Variants in NRG3 observed in about 807,000 individuals in gnomAD.
The protein encoded by NRG3 is pro-neuregulin-3, membrane-bound isoform.
NRG3 carries 31 observed loss-of-function variants against 66.9 expected under a neutral mutation model. The observed-to-expected ratio is 0.46, with a 90% CI of 0.35 to 0.63. The LOEUF (loss-of-function observed/expected upper bound fraction) is 0.63. Among genes scored for constraint, NRG3 ranks in the 20% least tolerant of loss-of-function variants. The probability of loss-of-function intolerance (pLI) is 0.00; values close to 1 mark genes in which losing one functional copy is unlikely to be tolerated. For synonymous variants in NRG3, 393 were observed against 359.4 expected, an observed-to-expected ratio of 1.09 and a Z score of -1.06; for missense variants, 910 against 878.9, an observed-to-expected ratio of 1.04 and a Z score of -0.45.
At chr10:82,490,778 G>A (rs1350098509) in intron 2 of NRG3, among the ~76,000 whole-genome samples, 3 of 151,956 alleles carry the variant, frequency 2.0e-5, no homozygotes, top group African/African-American at 7.3e-5. Flanking sequence ...CTCATCTCAA[G>A]AATCTGCATC....
intron 2 of NRG3, among the ~76,000 whole-genome samples, chr10:82,499,885 C>T (rs916498756): frequency 6.6e-6 from 1 of 152,166 alleles, no homozygotes; most frequent in African/African-American, 2.4e-5. Flanking sequence ...TTGTGATAAT[C>T]TAACAAAGAG....
chr10:82,721,307 A>C (rs1395424348), intron 2 of NRG3, among the ~76,000 whole-genome samples: 2 of 130,920 alleles, frequency 1.5e-5, no homozygotes, highest in East Asian at 2.3e-4. Flanking sequence ...AATTTTTTGT[A>C]TTTTTTTTTT....
chr10:82,611,030 C>T (rs1291297078), intron 2 of NRG3, among the ~76,000 whole-genome samples: 3 of 151,876 alleles, frequency 2.0e-5, no homozygotes, highest in Non-Finnish European at 4.4e-5. Flanking sequence ...TACTATGTAG[C>T]TGCTATCTAG....
intron 3 of NRG3, among the ~76,000 whole-genome samples, chr10:82,792,921 T>C (rs2060647465): frequency 6.6e-6 from 1 of 152,104 alleles, no homozygotes; most frequent in Non-Finnish European, 1.5e-5. Context: ...CCTCAGGTGA[T>C]CCGCCCACCT....
intron 4 of NRG3, among the ~76,000 whole-genome samples, chr10:82,879,466 ACTTTTTTTT>A (rs1484425195): frequency 9.5e-6 from 1 of 104,740 alleles, no homozygotes; most frequent in Non-Finnish European, 1.8e-5. Context: ...TCTAATGAAG[ACTTTTTTTT>A]TTTTTTTTTT....
At chr10:82,836,162 A>G (rs1001238822) in intron 3 of NRG3, among the ~76,000 whole-genome samples, 3 of 152,282 alleles carry the variant, frequency 2.0e-5, no homozygotes, top group East Asian at 3.9e-4. Flanking sequence ...TTATTTACCT[A>G]TTGTCTATGG....
chr10:82,760,195 C>A (rs974346374), intron 3 of NRG3, among the ~76,000 whole-genome samples: 2 of 152,086 alleles, frequency 1.3e-5, no homozygotes, highest in African/African-American at 2.4e-5. Flanking sequence ...ACTAGCACCA[C>A]AACCCCAGAA....
intron 1 of NRG3, among the ~76,000 whole-genome samples, chr10:82,322,570 T>C (rs1297341449): frequency 6.6e-6 from 1 of 152,146 alleles, no homozygotes; most frequent in Non-Finnish European, 1.5e-5. Flanking sequence ...TTGCAGACAT[T>C]TAAAGTGATC....
intron 1 of NRG3, among the ~76,000 whole-genome samples, chr10:81,929,437 G>T (rs1396743026): frequency 6.6e-6 from 1 of 152,184 alleles, no homozygotes; most frequent in Non-Finnish European, 1.5e-5. Flanking sequence ...TCCATACCAT[G>T]CTTCGGTTGA....
chr10:82,863,545 G>GTAT (rs1564579014), intron 3 of NRG3, among the ~76,000 whole-genome samples: 1 of 152,058 alleles, frequency 6.6e-6, no homozygotes, highest in African/African-American at 2.4e-5. Context: ...TTTAATGATC[G>GTAT]CCATCCTAAC....
intron 1 of NRG3, among the ~76,000 whole-genome samples, chr10:82,336,997 CT>C (rs796167852): frequency 2.0e-5 from 3 of 151,400 alleles, no homozygotes; most frequent in Non-Finnish European, 3.0e-5. Flanking sequence ...GAGGGTTTTT[CT>C]TTTTTTTTCT....
intron 1 of NRG3, chr10:81,889,552 G>T (rs954801344): frequency 6.6e-6 from 1 of 152,154 alleles, no homozygotes; most frequent in Non-Finnish European, 1.5e-5. Flanking sequence ...GCCTGCTCAG[G>T]CTTACTTGGT....
intron 2 of NRG3, among the ~76,000 whole-genome samples, chr10:82,547,437 T>C (rs2043992593): frequency 6.6e-6 from 1 of 150,700 alleles, no homozygotes; most frequent in African/African-American, 2.4e-5. Context: ...GTATATATAT[T>C]CCATGTATAG....
chr10:82,291,776 A>G (rs758628720), intron 1 of NRG3, among the ~76,000 whole-genome samples: 2 of 152,226 alleles, frequency 1.3e-5, no homozygotes, highest in Non-Finnish European at 2.9e-5. Context: ...TCAAACAAAC[A>G]AAAAACCCAA....
intron 1 of NRG3, among the ~76,000 whole-genome samples, chr10:82,143,762 G>C (rs897951330): frequency 6.6e-6 from 1 of 152,044 alleles, no homozygotes; most frequent in Non-Finnish European, 1.5e-5. Context: ...GGGCGCAGTG[G>C]CTTACGCCTG....
intron 3 of NRG3, among the ~76,000 whole-genome samples, chr10:82,755,151 A>T (rs568591583): frequency 1.2e-4 from 19 of 152,042 alleles, no homozygotes; most frequent in Non-Finnish European, 2.1e-4. Flanking sequence ...AACAAACATG[A>T]TTCACAGCAA....
chr10:82,352,887 T>G (rs1334665708), intron 1 of NRG3, among the ~76,000 whole-genome samples: 1 of 96,638 alleles, frequency 1.0e-5, no homozygotes, highest in Non-Finnish European at 2.0e-5. Context: ...CTATGTGGTT[T>G]TTTTTTTTTT....
chr10:82,440,204 G>A (rs867364491), intron 2 of NRG3, among the ~76,000 whole-genome samples: 1 of 151,358 alleles, frequency 6.6e-6, no homozygotes, highest in Admixed American at 6.6e-5. Flanking sequence ...CCTTTCTCTA[G>A]ATTTGTATTA....
At chr10:82,124,035 C>G (rs2068267605) in intron 1 of NRG3, among the ~76,000 whole-genome samples, 1 of 152,010 alleles carries the variant, frequency 6.6e-6, no homozygotes, top group Non-Finnish European at 1.5e-5. Flanking sequence ...CTCAATACCA[C>G]TATTGCGATG....
Sources: gnomAD v4.1 joint callset for allele counts (sites outside exome capture counted in the v4.1 genomes callset) on GRCh38, gnomAD v4.1.1 for gene constraint, MANE v1.5 for transcripts, NCBI Gene and HGNC (gene_info 2026-07-23, HGNC 2026-07-21) for gene names.